Variants in ELMO1 observed in about 807,000 individuals in gnomAD.
ELMO1 encodes the protein engulfment and cell motility protein 1.
Under a neutral mutation model 98.9 loss-of-function variants are expected in ELMO1, and 26 were observed. That is an observed-to-expected ratio of 0.26 (90% CI 0.19 to 0.36). The LOEUF is 0.36. ELMO1 is among the 10% of genes least tolerant of loss of function. The probability of loss-of-function intolerance (pLI) is 1.00; values close to 1 mark genes in which losing one functional copy is unlikely to be tolerated. For synonymous variants in ELMO1, 346 were observed against 346.0 expected (o/e 1.00, Z 0.00); for missense variants, 627 against 935.2 (o/e 0.67, Z 4.30).
intron 16 of ELMO1, among the ~76,000 whole-genome samples, chr7:36,966,154 A>G (rs565620326): frequency 6.6e-6 from 1 of 152,280 alleles, no homozygotes; most frequent in African/African-American, 2.4e-5. Flanking sequence ...TCAGAATGCA[A>G]CCCCATTCAA....
chr7:37,312,055 G>A (rs911098949), intron 4 of ELMO1, among the ~76,000 whole-genome samples: 18 of 152,198 alleles, frequency 1.2e-4, no homozygotes, highest in African/African-American at 4.8e-5. Context: ...GCCAAGAAAT[G>A]GCAGCACACA....
At chr7:37,084,611 T>C (rs1783664669) in intron 15 of ELMO1, among the ~76,000 whole-genome samples, 1 of 152,190 alleles carries the variant, frequency 6.6e-6, no homozygotes, top group African/African-American at 2.4e-5. Context: ...AACCTCTCCC[T>C]TCATCTCAGG....
At chr7:36,915,737 A>C (rs532307819) in intron 16 of ELMO1, among the ~76,000 whole-genome samples, 2 of 152,340 alleles carry the variant, frequency 1.3e-5, no homozygotes, top group Admixed American at 1.3e-4. Flanking sequence ...GCTGAGTCAC[A>C]GCGAGTGACC....
intron 1 of ELMO1, among the ~76,000 whole-genome samples, chr7:37,360,967 T>C (rs2700976): frequency 0.76 from 116,399 of 152,156 alleles, 44,675 homozygotes; most frequent in East Asian, 0.92. Context: ...TTCATTTACA[T>C]CCATTGACAT....
intron 13 of ELMO1, among the ~76,000 whole-genome samples, chr7:37,136,775 T>C (rs1316019151): frequency 1.3e-5 from 2 of 151,658 alleles, no homozygotes; most frequent in African/African-American, 2.4e-5. Context: ...AAATAGAACC[T>C]CCTTAAAGCA....
At chr7:37,326,014 T>A (rs775053254) in intron 2 of ELMO1, among the ~76,000 whole-genome samples, 2 of 152,192 alleles carry the variant, frequency 1.3e-5, no homozygotes, top group Non-Finnish European at 2.9e-5. Context: ...TATGGAGGAA[T>A]CAGATGTGTT....
chr7:36,855,540 G>A lies in ELMO1; in HGVS notation c.*11C>T. On this transcript the variant is annotated 3_prime_UTR_variant, in exon 22 of 22. Transcript: ENST00000310758. This position sits in a 1 kb window ranked among gnomAD's most constrained non-coding sequence, Gnocchi z 4.2. ...CCAGTTTTGGAAGGGGCATGTCTGG[G>A]CCCGGCCACTTCAGTTACAGTCATA... 6.2e-7 allele frequency: 1 copy of A among 1,613,744 alleles called. No individual in the cohort carries two copies. The highest frequency in any genetic ancestry group is 8.5e-7 in the Non-Finnish European group (1 of 1,179,918).
At chr7:36,897,351 A>ATGTGTGTGTGT (rs1806117207) in intron 16 of ELMO1, among the ~76,000 whole-genome samples, 1 of 6,972 alleles carries the variant, frequency 1.4e-4, no homozygotes, top group African/African-American at 3.3e-4. Flanking sequence ...TGTGTGTGTG[A>ATGTGTGTGTGT]AAGAGTGTTA....
At position 37,166,038 on chromosome 7, in the gene ELMO1, G is replaced by A. The variant is rs11486843; in HGVS notation, c.1087-32804C>T. ...AGCTCCTGTTATTGGTCTATTCAGA[G>A]ATTCAACTTCTTCCTGGTTTAGTCT... On this transcript the variant is annotated intron_variant, in intron 13 of 21. Coordinates refer to ENST00000310758, the MANE Select transcript of ELMO1 (RefSeq NM_014800.11). 2.6e-5 allele frequency among the ~76,000 whole-genome samples: 4 copies of A among 151,990 alleles called. 1 individual carries two copies. The South Asian group carries it at 8.3e-4, about 32-fold the overall frequency.
chr7:37,253,229 A>G (rs1313445321), intron 6 of ELMO1, among the ~76,000 whole-genome samples: 1 of 152,214 alleles, frequency 6.6e-6, no homozygotes, highest in Non-Finnish European at 1.5e-5. Flanking sequence ...ATTACTGGGT[A>G]TATACACAAA....
At chr7:37,314,617 G>A (rs748233777) in intron 4 of ELMO1, among the ~76,000 whole-genome samples, 3 of 152,100 alleles carry the variant, frequency 2.0e-5, no homozygotes, top group Non-Finnish European at 4.4e-5. Flanking sequence ...ACTGTTAGAA[G>A]GCAACTGCAG....
chr7:36,974,361 C>A (rs960111611), intron 16 of ELMO1, among the ~76,000 whole-genome samples: 1 of 152,046 alleles, frequency 6.6e-6, no homozygotes, highest in Non-Finnish European at 1.5e-5. Flanking sequence ...ATGTCTAGCT[C>A]AGGGATTGTA....
intron 2 of ELMO1, among the ~76,000 whole-genome samples, chr7:37,322,238 G>A (rs1214757682): frequency 6.6e-6 from 1 of 152,056 alleles, no homozygotes; most frequent in African/African-American, 2.4e-5. Context: ...AGCACTTTGG[G>A]AGGCCAAGGC....
At chr7:36,935,188 G>C (rs1584398092) in intron 16 of ELMO1, among the ~76,000 whole-genome samples, 1 of 152,152 alleles carries the variant, frequency 6.6e-6, no homozygotes. Flanking sequence ...AGTCTCACGA[G>C]ATCAGATGGT....
At chr7:37,425,887 C>T (rs1804676827) in intron 1 of ELMO1, among the ~76,000 whole-genome samples, 1 of 152,214 alleles carries the variant, frequency 6.6e-6, no homozygotes, top group African/African-American at 2.4e-5. Flanking sequence ...TCCCCCACTC[C>T]AATGAGGCTA....
intron 15 of ELMO1, among the ~76,000 whole-genome samples, chr7:37,037,441 G>C (rs536779417): frequency 2.0e-4 from 31 of 152,186 alleles, no homozygotes; most frequent in African/African-American, 7.2e-4. Flanking sequence ...CTATGACAGA[G>C]GAGATGGGAA....
chr7:37,155,448 G>A (rs1413559526), intron 13 of ELMO1, among the ~76,000 whole-genome samples: 1 of 130,646 alleles, frequency 7.7e-6, no homozygotes, highest in African/African-American at 3.2e-5. Flanking sequence ...ACACATATAG[G>A]CTCAAAATAA....
chr7:37,240,990 G>A lies in ELMO1; in HGVS notation c.449+3366C>T, dbSNP rs58496591. ...TTAAGGCAAGACCTTTGATAGTGTT[G>A]ATCAAATCATCTATATCCTTAACAT... On this transcript the variant is annotated intron_variant, in intron 7 of 21. Transcript: ENST00000310758. Among the ~76,000 whole-genome samples, 1,460 of 152,134 alleles carry A rather than the reference G, an allele frequency of 9.6e-3. 31 individuals carry two copies. Among genetic ancestry groups the A allele is most frequent in the African/African-American group, 0.034 (1,400 of 41,514 alleles).
At chr7:37,327,528 T>C (rs1799880407) in intron 2 of ELMO1, among the ~76,000 whole-genome samples, 1 of 152,234 alleles carries the variant, frequency 6.6e-6, no homozygotes, top group South Asian at 2.1e-4. Context: ...AGATTGAAAG[T>C]AAGACAGCAG....
Sources: gnomAD v4.1 joint callset for allele counts (sites outside exome capture counted in the v4.1 genomes callset) on GRCh38, gnomAD v4.1.1 for gene constraint, Gnocchi (gnomAD v3.1) non-coding constraint, MANE v1.5 for transcripts, NCBI Gene and HGNC (gene_info 2026-07-23, HGNC 2026-07-21) for gene names.